LPP: variants seen among roughly 807,000 people sequenced by gnomAD.
LPP encodes the protein lipoma-preferred partner.
In LPP, 38 loss-of-function variants were observed where a neutral mutation model predicts 60.4. The observed-to-expected ratio is 0.63, with a 90% CI of 0.49 to 0.83. The LOEUF (loss-of-function observed/expected upper bound fraction) is 0.83. Among genes scored for constraint, LPP ranks in the 40% least tolerant of loss-of-function variants. The pLI, the probability that LPP is intolerant of heterozygous loss-of-function variation, is 0.00. For synonymous variants in LPP, 328 were observed against 290.8 expected (o/e 1.13, Z -1.30); for missense variants, 902 against 783.6 (o/e 1.15, Z -1.80).
intron 5 of LPP, among the ~76,000 whole-genome samples, chr3:188,522,784 A>AATATATATATATATATATATAT (rs61033243): frequency 4.8e-5 from 6 of 125,310 alleles, no homozygotes; most frequent in Non-Finnish European, 8.3e-5. Context: ...GATAATATGA[A>AATATATATATATATATATATAT]ATATATATAT....
intron 6 of LPP, among the ~76,000 whole-genome samples, chr3:188,528,166 T>C (rs935765279): frequency 1.3e-5 from 2 of 152,088 alleles, no homozygotes; most frequent in Non-Finnish European, 2.9e-5. Context: ...TAGCCAAACT[T>C]ACAGGTGTGT....
intron 7 of LPP, among the ~76,000 whole-genome samples, chr3:188,679,105 A>T (rs1244075167): frequency 6.6e-6 from 1 of 152,206 alleles, no homozygotes; most frequent in Admixed American, 6.5e-5. Flanking sequence ...TGCTGGGCAG[A>T]GGAAGGAATG....
intron 3 of LPP, among the ~76,000 whole-genome samples, chr3:188,396,207 T>C (rs1478599515): frequency 6.6e-6 from 1 of 152,188 alleles, no homozygotes; most frequent in Non-Finnish European, 1.5e-5. Context: ...TCATCAATAG[T>C]AGACTCATAT....
At chr3:188,728,891 T>C (rs1719396555) in intron 8 of LPP, among the ~76,000 whole-genome samples, 1 of 151,356 alleles carries the variant, frequency 6.6e-6, no homozygotes, top group Non-Finnish European at 1.5e-5. Flanking sequence ...AAAAAAAATG[T>C]ACCATGAACA....
intron 3 of LPP, among the ~76,000 whole-genome samples, chr3:188,398,148 C>G (rs1457919990): frequency 6.6e-6 from 1 of 152,212 alleles, no homozygotes; most frequent in East Asian, 1.9e-4. Flanking sequence ...CTCATCTACA[C>G]TCCCTGGTCT....
chr3:188,789,648 G>GA (rs11404731), intron 9 of LPP, among the ~76,000 whole-genome samples: 53,243 of 151,658 alleles, frequency 0.35, 10,420 homozygotes, highest in East Asian at 0.79. Flanking sequence ...TTGGAAACCA[G>GA]CTCACTTACT....
chr3:188,525,490 T>C (rs1381674292), intron 6 of LPP, among the ~76,000 whole-genome samples: 1 of 152,208 alleles, frequency 6.6e-6, no homozygotes, highest in African/African-American at 2.4e-5. Context: ...TTGTTACATG[T>C]TGTTATAGTT....
intron 3 of LPP, among the ~76,000 whole-genome samples, chr3:188,370,703 GT>G (rs970440436): frequency 4.6e-5 from 7 of 152,046 alleles, no homozygotes; most frequent in Admixed American, 4.6e-4. Flanking sequence ...GGGCAGAATG[GT>G]TTTTTTCTCG....
chr3:188,686,876 A>C (rs1393466276), intron 7 of LPP, among the ~76,000 whole-genome samples: 1 of 152,184 alleles, frequency 6.6e-6, no homozygotes, highest in Non-Finnish European at 1.5e-5. Flanking sequence ...AAAAACAAGG[A>C]GTGAAGACCT....
chr3:188,240,603 A>G (rs142874121), intron 2 of LPP, among the ~76,000 whole-genome samples: 4 of 152,328 alleles, frequency 2.6e-5, no homozygotes, highest in African/African-American at 9.6e-5. Context: ...TTAGGATATT[A>G]GACCAGCAAC....
intron 4 of LPP, among the ~76,000 whole-genome samples, chr3:188,471,369 G>C (rs1381491053): frequency 6.6e-6 from 1 of 152,184 alleles, no homozygotes; most frequent in Admixed American, 6.5e-5. Flanking sequence ...CAGGAAGAAT[G>C]TTGACTATCT....
At chr3:188,648,089 T>A (rs971984758) in intron 7 of LPP, among the ~76,000 whole-genome samples, 3 of 152,182 alleles carry the variant, frequency 2.0e-5, no homozygotes, top group Admixed American at 1.3e-4. Context: ...AATAGGAAAA[T>A]TTTAATGGAA....
chr3:188,549,959 A>G (rs973353655), intron 6 of LPP, among the ~76,000 whole-genome samples: 8 of 152,194 alleles, frequency 5.3e-5, no homozygotes, highest in Non-Finnish European at 8.8e-5. Flanking sequence ...CATAGAAAGT[A>G]TAGTTTGTGA....
intron 1 of LPP, among the ~76,000 whole-genome samples, chr3:188,201,532 C>T (rs965913615): frequency 1.3e-5 from 2 of 152,024 alleles, no homozygotes; most frequent in Non-Finnish European, 2.9e-5. Flanking sequence ...CGTGGCAAAA[C>T]CCCATCTCTA....
chr3:188,887,032 T>C lies in LPP; in HGVS notation c.*12553T>C, dbSNP rs1770761411. ...CTGTTGGGAAAAGGGTAAAGAACTA[T>C]TCTTGGTCATTATTGATGTATTGTG... is the stretch of plus-strand genomic sequence containing the variant. On this transcript the variant is annotated 3_prime_UTR_variant, in exon 12 of 12. Coordinates refer to ENST00000617246, the MANE Select transcript of LPP (RefSeq NM_001375462.1). The C allele has an allele frequency of 4.3e-6, 1 of 231,004 alleles. No homozygotes were observed. The highest frequency in any genetic ancestry group is 8.6e-6 in the Non-Finnish European group (1 of 116,732). The allele number at this position is 231,004 out of a possible 1,614,324, so 14.3% of individuals were successfully genotyped here.
chr3:188,287,143 C>T (rs1176577723), intron 2 of LPP, among the ~76,000 whole-genome samples: 1 of 152,188 alleles, frequency 6.6e-6, no homozygotes, highest in African/African-American at 2.4e-5. Context: ...TCAAGTGATC[C>T]CCCCACCTCG....
intron 9 of LPP, among the ~76,000 whole-genome samples, chr3:188,843,664 G>A (rs573902161): frequency 9.4e-4 from 136 of 144,956 alleles, no homozygotes; most frequent in Non-Finnish European, 1.7e-3. Context: ...GGGGGCGCCT[G>A]TAGTCCCAGC....
At position 188,866,219 on chromosome 3, in the gene LPP, A is replaced by G. The variant is rs951592997; in HGVS notation, c.1430A>G (p.Asn477Ser). 3.9e-6 allele frequency: 6 copies of G among 1,556,126 alleles called. No homozygotes were observed. The highest frequency in any genetic ancestry group is 1.7e-4 in the Middle Eastern group (1 of 5,834). Residue 477 changes from asparagine to serine, a missense_variant, in exon 10 of 12, where the codon AAT becomes AGT. Coordinates refer to ENST00000617246, the MANE Select transcript of LPP (RefSeq NM_001375462.1). ...PCYINTLEQC[N>S]VCSKPIMERI... ...CCCCAGAATACTCTGGAGCAGTGCA[A>G]TGTGTGTTCCAAGCCCATCATGGAG...
chr3:188,868,354 G>T (rs1767198449), intron 10 of LPP, among the ~76,000 whole-genome samples: 1 of 152,174 alleles, frequency 6.6e-6, no homozygotes, highest in East Asian at 1.9e-4. Flanking sequence ...TTCATGTCTA[G>T]GGGTAGGGAG....
Sources: gnomAD v4.1 joint callset for allele counts (sites outside exome capture counted in the v4.1 genomes callset) on GRCh38, gnomAD v4.1.1 for gene constraint, MANE v1.5 for transcripts, NCBI Gene and HGNC (gene_info 2026-07-23, HGNC 2026-07-21) for gene names.